GAP43: variants seen among roughly 807,000 people sequenced by gnomAD.
GAP43 encodes growth associated protein 43, also known as neuromodulin.
Under a neutral mutation model 18.6 loss-of-function variants are expected in GAP43, and 6 were observed. The ratio of observed to expected loss-of-function variants is 0.32; its 90% confidence interval spans 0.18 to 0.64. The LOEUF (loss-of-function observed/expected upper bound fraction) is 0.64. GAP43 is among the 30% of genes least tolerant of loss of function. The pLI is 0.78. For synonymous variants in GAP43, 115 were observed against 111.4 expected (o/e 1.03, Z -0.20); for missense variants, 292 against 295.5 (o/e 0.99, Z 0.09).
chr3:115,648,517 C>A (rs1708485569), intron 1 of GAP43, among the ~76,000 whole-genome samples: 1 of 152,072 alleles, frequency 6.6e-6, no homozygotes. Flanking sequence ...GGGCTATTGG[C>A]AGAACTGATA....
chr3:115,716,850 C>T (rs1302058700), intron 2 of GAP43, among the ~76,000 whole-genome samples: 1 of 146,106 alleles, frequency 6.8e-6, no homozygotes, highest in Non-Finnish European at 1.5e-5. Flanking sequence ...AATCGAGTTT[C>T]ATCAATTTTA....
At chr3:115,636,240 A>G (rs1428961299) in intron 1 of GAP43, among the ~76,000 whole-genome samples, 8 of 151,888 alleles carry the variant, frequency 5.3e-5, no homozygotes. Flanking sequence ...CTACTCCCCT[A>G]CTCTTAACAA....
At chr3:115,689,759 A>G (rs1423001770) in intron 2 of GAP43, among the ~76,000 whole-genome samples, 1 of 152,188 alleles carries the variant, frequency 6.6e-6, no homozygotes, top group African/African-American at 2.4e-5. Context: ...GTAGGAGGGA[A>G]GAATAATGGG....
intron 2 of GAP43, among the ~76,000 whole-genome samples, chr3:115,682,261 A>G (rs1425465939): frequency 6.6e-6 from 1 of 152,226 alleles, no homozygotes; most frequent in African/African-American, 2.4e-5. Flanking sequence ...GCTGAAAATG[A>G]TTGTTCTTAA....
Position 115,623,702 on chromosome 3 carries a change from A to G in GAP43, c.13A>G (p.Met5Val), listed in dbSNP as rs1708143324. Reference protein sequence around the residue: MLCCMRRTKQVEKND... With the variant: MLCCVRRTKQVEKND... The stretch of plus-strand genomic sequence containing the variant: ...GGACGAGACAACCATGCTGTGCTGT[A>G]TGAGAAGAACCAAACAGGTAGAGCT... Residue 5 changes from methionine (M) to valine (V), a missense_variant, in exon 1 of 3, where the codon ATG becomes GTG. Met to Val is a conservative substitution (Grantham distance 21). Transcript: ENST00000305124. 3 of 1,614,212 alleles carry G rather than the reference A, an allele frequency of 1.9e-6. No individual in the cohort carries two copies. The highest frequency in any genetic ancestry group is 2.5e-6 in the Non-Finnish European group (3 of 1,180,008).
chr3:115,656,425 C>T (rs1045068924), intron 1 of GAP43, among the ~76,000 whole-genome samples: 1 of 152,170 alleles, frequency 6.6e-6, no homozygotes, highest in African/African-American at 2.4e-5. Context: ...AGTTTGGGCT[C>T]TTTATACTAG....
At chr3:115,646,475 G>C (rs1708458751) in intron 1 of GAP43, among the ~76,000 whole-genome samples, 1 of 152,068 alleles carries the variant, frequency 6.6e-6, no homozygotes, top group Non-Finnish European at 1.5e-5. Flanking sequence ...GGTTCATCTT[G>C]TTGATATGGC....
chr3:115,623,828 C>T lies in GAP43; in HGVS notation c.30+109C>T, dbSNP rs770554708. The T allele has an allele frequency of 1.8e-5, 20 of 1,114,728 alleles. No individual in the cohort carries two copies. The African/African-American group carries it at 1.8e-4, about 10-fold the overall frequency. 69.1% of individuals were successfully genotyped at this position (1,114,728 alleles called of 1,614,324 possible). A position where few individuals can be genotyped will look rare whatever the true frequency, so the allele number is the denominator to read the frequency against. ...CTGCTTCTGCTCTGGCCGTGGTGCTCGCGCTTCCTTAGCATATGGTAACTG... is the reference window on the plus strand; with the variant it reads ...CTGCTTCTGCTCTGGCCGTGGTGCTTGCGCTTCCTTAGCATATGGTAACTG... On this transcript the variant is annotated intron_variant, in intron 1 of 2. Transcript: ENST00000305124.
intron 2 of GAP43, among the ~76,000 whole-genome samples, chr3:115,709,661 A>G (rs545001827): frequency 1.3e-5 from 2 of 152,322 alleles, no homozygotes; most frequent in South Asian, 2.1e-4. Flanking sequence ...GAACCAAATC[A>G]TAAAGCACTT....
chr3:115,633,753 A>G (rs923274722), intron 1 of GAP43, among the ~76,000 whole-genome samples: 1 of 152,176 alleles, frequency 6.6e-6, no homozygotes, highest in Non-Finnish European at 1.5e-5. Context: ...CCACCTGTCT[A>G]GGAGGACATA....
intron 1 of GAP43, among the ~76,000 whole-genome samples, chr3:115,670,362 T>C (rs151149243): frequency 0.052 from 7,904 of 151,764 alleles, 459 homozygotes; most frequent in African/African-American, 0.14. Flanking sequence ...TTCCATGGTG[T>C]ATATGTGCCA....
At chr3:115,711,028 G>A (rs566983036) in intron 2 of GAP43, among the ~76,000 whole-genome samples, 1 of 152,276 alleles carries the variant, frequency 6.6e-6, no homozygotes, top group South Asian at 2.1e-4. Flanking sequence ...ACTGGGCTGT[G>A]AGTCAGGAGT....
chr3:115,626,458 T>G (rs1188647520), intron 1 of GAP43, among the ~76,000 whole-genome samples: 2 of 152,128 alleles, frequency 1.3e-5, no homozygotes, highest in Non-Finnish European at 1.5e-5. Flanking sequence ...TAGATTATTA[T>G]AGCAGGAAGA....
At chr3:115,659,782 T>C (rs928695317) in intron 1 of GAP43, among the ~76,000 whole-genome samples, 1 of 152,166 alleles carries the variant, frequency 6.6e-6, no homozygotes, top group Admixed American at 6.5e-5. Context: ...AGGAAGCTCA[T>C]GAGGGTTAGA....
At chr3:115,633,147 G>A (rs575939013) in intron 1 of GAP43, among the ~76,000 whole-genome samples, 2 of 152,056 alleles carry the variant, frequency 1.3e-5, no homozygotes, top group Non-Finnish European at 2.9e-5. Context: ...AAAAGACTCA[G>A]TTATTAATAA....
chr3:115,719,428 TACAA>T (rs1369095336), intron 2 of GAP43, among the ~76,000 whole-genome samples: 2 of 152,170 alleles, frequency 1.3e-5, no homozygotes, highest in Admixed American at 6.5e-5. Flanking sequence ...AAAATCATAG[TACAA>T]ACAATGTGGT....
At chr3:115,685,834 C>G (rs1343746538) in intron 2 of GAP43, among the ~76,000 whole-genome samples, 1 of 152,130 alleles carries the variant, frequency 6.6e-6, no homozygotes, top group Non-Finnish European at 1.5e-5. Context: ...CTTCCTCTTC[C>G]TTTGATATTG....
chr3:115,711,779 G>A (rs1389099768), intron 2 of GAP43, among the ~76,000 whole-genome samples: 1 of 141,392 alleles, frequency 7.1e-6, no homozygotes, highest in East Asian at 2.2e-4. Flanking sequence ...TTAGCTGGGA[G>A]CAGGGATGAG....
rs1480305252 is a variant in GAP43, at chr3:115,696,755, C to T, written c.628+20145C>T. Among the ~76,000 whole-genome samples, 4 of 151,904 alleles carry T rather than the reference C, an allele frequency of 2.6e-5. No individual in the cohort carries two copies. In the South Asian group the frequency reaches 6.2e-4, roughly 24 times the overall value. Reference sequence around the variant, plus strand: ...CTTTCTCTTCGTTTAATATTGTCACCCCAACCTCATCCCAGCATTTCCCCT... The same window carrying T: ...CTTTCTCTTCGTTTAATATTGTCACTCCAACCTCATCCCAGCATTTCCCCT... On this transcript the variant is annotated intron_variant, in intron 2 of 2. Transcript: ENST00000305124.
Sources: allele counts gnomAD v4.1 joint callset (sites outside exome capture counted in the v4.1 genomes callset), GRCh38; gene constraint gnomAD v4.1.1; transcripts MANE v1.5; gene names NCBI Gene and HGNC (gene_info 2026-07-23, HGNC 2026-07-21).